Variants in CTNNA2 observed in about 807,000 individuals in gnomAD.
CTNNA2 encodes catenin alpha-2.
CTNNA2 carries 42 observed loss-of-function variants against 101.0 expected under a neutral mutation model. The ratio of observed to expected loss-of-function variants is 0.42; its 90% CI spans 0.32 to 0.54. CTNNA2 has a LOEUF of 0.54. CTNNA2 is among the 20% of genes least tolerant of loss of function. CTNNA2 has a pLI of 0.14. For missense variants in CTNNA2, 871 were observed against 1,223.1 expected (o/e 0.71, Z 4.29); for synonymous variants, 450 against 456.4 (o/e 0.99, Z 0.18).
intron 3 of CTNNA2, among the ~76,000 whole-genome samples, chr2:79,806,860 G>A (rs67085120): frequency 0.084 from 12,821 of 151,990 alleles, 724 homozygotes; most frequent in South Asian, 0.15. Flanking sequence ...TAGAGACTCA[G>A]TAAAGGTCTG....
intron 4 of CTNNA2, among the ~76,000 whole-genome samples, chr2:79,486,752 T>A (rs1671162449): frequency 6.6e-6 from 1 of 152,226 alleles, no homozygotes; most frequent in African/African-American, 2.4e-5. Flanking sequence ...TCCTGACTTT[T>A]TAATGATCGC....
intron 7 of CTNNA2, among the ~76,000 whole-genome samples, chr2:80,330,021 A>G (rs1277730461): frequency 6.6e-6 from 1 of 152,224 alleles, no homozygotes; most frequent in Admixed American, 6.5e-5. Context: ...ATGTCCTTCT[A>G]TGGAACACTT....
intron 3 of CTNNA2, among the ~76,000 whole-genome samples, chr2:79,372,548 A>G (rs925403336): frequency 6.6e-6 from 1 of 152,180 alleles, no homozygotes; most frequent in Non-Finnish European, 1.5e-5. Flanking sequence ...CAAAAATTGA[A>G]AGAAAACTAA....
intron 7 of CTNNA2, among the ~76,000 whole-genome samples, chr2:80,052,740 G>A (rs12713996): frequency 0.17 from 26,427 of 152,148 alleles, 3,035 homozygotes; most frequent in Non-Finnish European, 0.24. Context: ...CTCAGGTGGA[G>A]AGGATTTGAA....
chr2:80,096,319 T>G (rs910989594), intron 7 of CTNNA2, among the ~76,000 whole-genome samples: 5 of 152,234 alleles, frequency 3.3e-5, no homozygotes, highest in African/African-American at 1.2e-4. Flanking sequence ...CGGTTTTGAC[T>G]GAGTTTCTTA....
chr2:79,531,195 C>T (rs1009586945), intron 1 of CTNNA2, among the ~76,000 whole-genome samples: 3 of 110,286 alleles, frequency 2.7e-5, no homozygotes, highest in Admixed American at 1.0e-4. Flanking sequence ...TAGATACGCT[C>T]ATATATATAT....
intron 7 of CTNNA2, among the ~76,000 whole-genome samples, chr2:80,165,861 G>A (rs563854794): frequency 2.6e-5 from 4 of 152,160 alleles, no homozygotes; most frequent in Non-Finnish European, 5.9e-5. Flanking sequence ...ACCCTGGTGT[G>A]AATGTTGGAA....
intron 7 of CTNNA2, among the ~76,000 whole-genome samples, chr2:80,087,532 T>C (rs1310888386): frequency 6.6e-6 from 1 of 152,032 alleles, no homozygotes; most frequent in Non-Finnish European, 1.5e-5. Context: ...TATGTTTCCC[T>C]CTATTTCAAA....
rs145135656 is a variant in CTNNA2, at chr2:79,521,656, G to T, written c.-6+8449G>T. 6.2e-3 allele frequency among the ~76,000 whole-genome samples: 937 copies of T among 152,246 alleles called. 11 individuals are homozygous for T. Among genetic ancestry groups the T allele is most frequent in the African/African-American group, 0.021 (885 of 41,546 alleles). ...TTCTTTTAATGAGGAAGAGGTAAAT[G>T]ATTGTTGGGTAAGTAAGCAGCAGTG... On this transcript the variant is annotated intron_variant, in intron 1 of 18. Transcript: ENST00000402739.
Position 80,199,068 on chromosome 2 carries a change from C to T in CTNNA2, c.1057-194143C>T, listed in dbSNP as rs181517100. 1.9e-4 allele frequency among the ~76,000 whole-genome samples: 29 copies of T among 150,308 alleles called. 1 individual carries two copies. The highest frequency in any genetic ancestry group is 4.7e-4 in the Admixed American group (7 of 14,982). ...TGGTGGTGCATGCCTGTAATCTCAG[C>T]TACTTGGGAGGCTGAGACAGGAGAA... On this transcript the variant is annotated intron_variant, in intron 7 of 18. Transcript: ENST00000402739.
chr2:79,478,738 G>A (rs1671078637), intron 4 of CTNNA2, among the ~76,000 whole-genome samples: 1 of 152,064 alleles, frequency 6.6e-6, no homozygotes, highest in African/African-American at 2.4e-5. Flanking sequence ...TGCCTTATTT[G>A]ATACTTACCT....
chr2:80,486,186 A>C (rs1303255644), intron 9 of CTNNA2, among the ~76,000 whole-genome samples: 1 of 152,226 alleles, frequency 6.6e-6, no homozygotes, highest in Non-Finnish European at 1.5e-5. Flanking sequence ...TGATAGACAC[A>C]TATCAATTGC....
intron 1 of CTNNA2, among the ~76,000 whole-genome samples, chr2:79,518,890 T>C (rs528301828): frequency 6.6e-6 from 1 of 151,998 alleles, no homozygotes; most frequent in East Asian, 1.9e-4. Context: ...GTTTTTTTTT[T>C]CTAATATGTG....
chr2:79,717,336 T>C (rs538239144), intron 2 of CTNNA2, among the ~76,000 whole-genome samples: 1 of 152,320 alleles, frequency 6.6e-6, no homozygotes, highest in South Asian at 2.1e-4. Flanking sequence ...TTTCTCAGTT[T>C]TGTTAGGTGT....
chr2:79,311,684 C>T (rs1333253306), intron 2 of CTNNA2, among the ~76,000 whole-genome samples: 1 of 152,080 alleles, frequency 6.6e-6, no homozygotes, highest in Non-Finnish European at 1.5e-5. Flanking sequence ...CTGCTACAAA[C>T]CCCCACTCGG....
intron 7 of CTNNA2, among the ~76,000 whole-genome samples, chr2:80,117,289 A>C (rs143478291): frequency 6.6e-6 from 1 of 152,188 alleles, no homozygotes; most frequent in African/African-American, 2.4e-5. Context: ...GAGGATTTCC[A>C]TAAAAATCTT....
At chr2:79,371,337 C>T (rs1677866927) in intron 3 of CTNNA2, among the ~76,000 whole-genome samples, 1 of 151,944 alleles carries the variant, frequency 6.6e-6, no homozygotes, top group South Asian at 2.1e-4. Flanking sequence ...GGCAAATGCA[C>T]CGCAGGGACA....
At chr2:79,684,280 TTTCTA>T (rs1191155935) in intron 2 of CTNNA2, among the ~76,000 whole-genome samples, 1 of 152,200 alleles carries the variant, frequency 6.6e-6, no homozygotes, top group Non-Finnish European at 1.5e-5. Flanking sequence ...TTTATGATAT[TTTCTA>T]TTCTATCTTC....
rs146243905 is a variant in CTNNA2 at position 80,465,673 on chromosome 2, T to C, written c.1290+46072T>C. Among the ~76,000 whole-genome samples, 443 of 152,276 alleles carry C rather than the reference T, an allele frequency of 2.9e-3. 4 individuals are homozygous for C. The highest frequency in any genetic ancestry group is 5.4e-3 in the Non-Finnish European group (364 of 68,014). On this transcript the variant is annotated intron_variant, in intron 9 of 18. Transcript: ENST00000402739. ...AAAAAGAAGTCATTTGCCCTCGCCC[T>C]AGCCCTCCCTCTATTTTATCCTAAC...
Sources: gnomAD v4.1 joint callset for allele counts (sites outside exome capture counted in the v4.1 genomes callset) on GRCh38, gnomAD v4.1.1 for gene constraint, MANE v1.5 for transcripts, NCBI Gene and HGNC (gene_info 2026-07-23, HGNC 2026-07-21) for gene names.